The following SNX3 variants were observed in gnomAD, a reference collection of about 807,000 sequenced individuals.
SNX3 encodes the protein sorting nexin-3.
SNX3 carries 5 observed loss-of-function variants against 17.7 expected under a neutral mutation model. That is an observed-to-expected ratio of 0.28 (90% confidence interval 0.15 to 0.59). The LOEUF (loss-of-function observed/expected upper bound fraction) is 0.59. SNX3 is among the 20% of genes least tolerant of loss of function. The pLI is 0.88. For synonymous variants in SNX3, 91 were observed against 76.5 expected, an observed-to-expected ratio of 1.19 and a Z score of -0.99; for missense variants, 132 against 206.8, an observed-to-expected ratio of 0.64 and a Z score of 2.22.
intron 1 of SNX3, among the ~76,000 whole-genome samples, chr6:108,241,248 G>A (rs1363233379): frequency 6.6e-6 from 1 of 151,254 alleles, no homozygotes; most frequent in Non-Finnish European, 1.5e-5. Flanking sequence ...GGCTGAATGA[G>A]ACCTTTCACA....
At chr6:108,217,589 T>C (rs1774627397) in intron 2 of SNX3, among the ~76,000 whole-genome samples, 1 of 151,986 alleles carries the variant, frequency 6.6e-6, no homozygotes, top group Non-Finnish European at 1.5e-5. Context: ...ACCCTGTGTC[T>C]ACTAAAAATA....
chr6:108,223,042 TTGTC>T lies in SNX3; in HGVS notation c.163-1_165del. 6.3e-7 allele frequency: 1 copy of T among 1,588,680 alleles called. No homozygotes were observed. Among genetic ancestry groups the T allele is most frequent in the Admixed American group, 1.7e-5 (1 of 59,042 alleles). On this transcript the variant is annotated splice_acceptor_variant and coding_sequence_variant, in exon 2 of 4. Coordinates refer to ENST00000230085, the MANE Select transcript of SNX3 (RefSeq NM_003795.6). LOFTEE classifies it high-confidence loss of function. ...TCTTTCAGCTTGAAAATAGGAAGATTTGTCTGAAACAAAAAAAGTTAGTCCTAAA... is the reference window on the plus strand; with the variant it reads ...TCTTTCAGCTTGAAAATAGGAAGATTTGAAACAAAAAAAGTTAGTCCTAAA...
rs201950888 is a variant in SNX3, at chr6:108,236,380, T to TATTATTATTA, written c.163-13336_163-13335insTAATAATAAT. 1.8e-3 allele frequency among the ~76,000 whole-genome samples: 230 copies of TATTATTATTA among 126,318 alleles called. 1 individual carries two copies. Among genetic ancestry groups the TATTATTATTA allele is most frequent in the African/African-American group, 7.1e-3 (224 of 31,524 alleles). The allele number at this position is 126,318 out of a possible 152,430, so 82.9% of individuals were successfully genotyped here. ...TTTCCACCTATATTATTATTATTAT[T>TATTATTATTA]TTTTTTTTTTTTTTTTTTTTTGAGA... On this transcript the variant is annotated intron_variant, in intron 1 of 3. Transcript: ENST00000230085.
Position 108,222,936 on chromosome 6 carries a change from TA to T in SNX3, c.258+13del. On this transcript the variant is annotated intron_variant, in intron 2 of 3. Coordinates refer to ENST00000230085, the MANE Select transcript of SNX3 (RefSeq NM_003795.6). ...AATGTTTTGCTTTAAAGTTGCATCA[TA>T]AATCATTCTTACCTTGCTCTCTCTT... 1 of 1,504,344 alleles carries T rather than the reference TA, an allele frequency of 6.6e-7. No individual in the cohort carries two copies. Among genetic ancestry groups the T allele is most frequent in the Non-Finnish European group, 9.2e-7 (1 of 1,085,074 alleles). 93.2% of individuals were successfully genotyped at this position (1,504,344 alleles called of 1,614,324 possible). A position where few individuals can be genotyped will look rare whatever the true frequency, so the allele number is the denominator to read the frequency against.
intron 1 of SNX3, among the ~76,000 whole-genome samples, chr6:108,235,661 C>T (rs891820145): frequency 2.0e-5 from 3 of 152,036 alleles, no homozygotes; most frequent in Non-Finnish European, 4.4e-5. Context: ...GTTGGGATGC[C>T]GAGGTGGGTG....
chr6:108,221,522 CAGTATTACACTTTTTT>C (rs1774770655), intron 2 of SNX3, among the ~76,000 whole-genome samples: 1 of 127,416 alleles, frequency 7.8e-6, no homozygotes, highest in Non-Finnish European at 1.6e-5. Context: ...ACAAGGAATA[CAGTATTACACTTTTTT>C]TTTTTTTTTT....
Position 108,214,545 on chromosome 6 carries a change from G to C in SNX3, c.336C>G (p.Asp112Glu). 6.2e-7 allele frequency: 1 copy of C among 1,613,574 alleles called. No homozygotes were observed. Among genetic ancestry groups the C allele is most frequent in the Admixed American group, 1.7e-5 (1 of 59,882 alleles). The change falls in exon 3 of 4, where the codon GAC (aspartate) becomes GAG (glutamate). Residue 112 changes from aspartate (D) to glutamate (E), a missense_variant. Physicochemically the swap from Asp to Glu is conservative, Grantham distance 45. Around this residue, in one of 2 missense-constraint regions of SNX3, gnomAD observed 54 missense variants for 118.0 expected, o/e 0.46. Transcript: ENST00000230085. ...CTTGTTTTCTTTCCTCAATAAAATT[G>C]TCATCAAATATTCCATCATCTCCTC... ...PFRGDDGIFDDNFIEERKQGL... is the reference protein window; with the variant it reads ...PFRGDDGIFDENFIEERKQGL...
At chr6:108,217,215 A>G (rs575841400) in intron 2 of SNX3, among the ~76,000 whole-genome samples, 1 of 150,972 alleles carries the variant, frequency 6.6e-6, no homozygotes, top group Non-Finnish European at 1.5e-5. Flanking sequence ...AAAATGTAAC[A>G]ATATATATAT....
chr6:108,223,930 C>T (rs1035421491), intron 1 of SNX3, among the ~76,000 whole-genome samples: 10 of 152,106 alleles, frequency 6.6e-5, no homozygotes, highest in African/African-American at 2.4e-4. Flanking sequence ...TTTCAGTGAG[C>T]TTTAAAAATG....
chr6:108,234,914 T>C (rs1775277794), intron 1 of SNX3, among the ~76,000 whole-genome samples: 1 of 152,108 alleles, frequency 6.6e-6, no homozygotes, highest in Non-Finnish European at 1.5e-5. Context: ...TTGATACAGA[T>C]CCAGGGAGTT....
At chr6:108,246,656 A>AT (rs1018786201) in intron 1 of SNX3, among the ~76,000 whole-genome samples, 4 of 150,498 alleles carry the variant, frequency 2.7e-5, no homozygotes, top group African/African-American at 7.3e-5. Context: ...TTAAAATTGT[A>AT]TTTTTTTTAT....
rs746047857 is a variant in SNX3, at chr6:108,260,969, C to CGG, written c.-49_-48insCC. The CGG allele has an allele frequency of 1.4e-6, 2 of 1,449,288 alleles. No individual in the cohort carries two copies. Among genetic ancestry groups the CGG allele is most frequent in the Non-Finnish European group, 1.8e-6 (2 of 1,106,838 alleles). 89.8% of individuals were successfully genotyped at this position (1,449,288 alleles called of 1,614,324 possible). On this transcript the variant is annotated 5_prime_UTR_variant, in exon 1 of 4. Coordinates refer to ENST00000230085, the MANE Select transcript of SNX3 (RefSeq NM_003795.6). ...CCGCGGGCTCCCTCCGCCCCCTCCG[C>CGG]GTTCAGCCGCCGCCGCCGCCGCTGC...
At chr6:108,218,895 C>T (rs1164500825) in intron 2 of SNX3, among the ~76,000 whole-genome samples, 1 of 152,180 alleles carries the variant, frequency 6.6e-6, no homozygotes, top group African/African-American at 2.4e-5. Flanking sequence ...CTAATGGGGA[C>T]AGGGTTTCTT....
At chr6:108,219,116 C>A (rs1399988408) in intron 2 of SNX3, among the ~76,000 whole-genome samples, 7 of 152,126 alleles carry the variant, frequency 4.6e-5, no homozygotes, top group Non-Finnish European at 1.0e-4. Context: ...CTTCGGGAGG[C>A]CAAGGCGGGC....
intron 1 of SNX3, among the ~76,000 whole-genome samples, chr6:108,241,461 A>G (rs1040026549): frequency 6.6e-6 from 1 of 152,088 alleles, no homozygotes; most frequent in African/African-American, 2.4e-5. Flanking sequence ...TTCAAGACCA[A>G]CCTGGCCAAC....
intron 1 of SNX3, among the ~76,000 whole-genome samples, chr6:108,243,741 TGG>T (rs1775597615): frequency 3.9e-5 from 6 of 152,206 alleles, no homozygotes; most frequent in Admixed American, 2.0e-4. Flanking sequence ...GAGACCAGCC[TGG>T]TCAACATGGT....
chr6:108,234,157 T>C (rs1775252224), intron 1 of SNX3, among the ~76,000 whole-genome samples: 1 of 152,014 alleles, frequency 6.6e-6, no homozygotes, highest in Non-Finnish European at 1.5e-5. Context: ...CCGCAATTTA[T>C]CACACAGCTC....
chr6:108,226,158 T>C (rs913932480), intron 1 of SNX3, among the ~76,000 whole-genome samples: 1 of 151,906 alleles, frequency 6.6e-6, no homozygotes, highest in East Asian at 1.9e-4. Context: ...GGCATGATCA[T>C]GGCAGGGTCA....
intron 1 of SNX3, among the ~76,000 whole-genome samples, chr6:108,224,941 A>C (rs1466200035): frequency 6.6e-6 from 1 of 152,222 alleles, no homozygotes; most frequent in African/African-American, 2.4e-5. Flanking sequence ...AAATTTAAAA[A>C]AAGTAACATG....
Sources: allele counts gnomAD v4.1 joint callset (sites outside exome capture counted in the v4.1 genomes callset), GRCh38; gene constraint gnomAD v4.1.1; regional missense constraint gnomAD v4.1.1; transcripts MANE v1.5; gene names NCBI Gene and HGNC (gene_info 2026-07-23, HGNC 2026-07-21).